Variants in GRIA4 observed in about 807,000 individuals in gnomAD.
GRIA4 encodes the protein glutamate receptor 4.
A neutral mutation model predicts 104.0 loss-of-function variants in GRIA4; 34 were observed. The ratio of observed to expected loss-of-function variants is 0.33; its 90% CI spans 0.25 to 0.44. The LOEUF is 0.44. GRIA4 is among the 20% of genes least tolerant of loss of function. The pLI is 1.00. For synonymous variants in GRIA4, 386 were observed against 381.9 expected, an observed-to-expected ratio of 1.01 and a Z score of -0.13; for missense variants, 750 against 1,096.5, an observed-to-expected ratio of 0.68 and a Z score of 4.46.
intron 3 of GRIA4, among the ~76,000 whole-genome samples, chr11:105,644,614 T>C (rs2135362167): frequency 6.6e-6 from 1 of 151,984 alleles, no homozygotes; most frequent in East Asian, 1.9e-4. Flanking sequence ...AAAAACTAAA[T>C]TAATTAATTA....
intron 3 of GRIA4, among the ~76,000 whole-genome samples, chr11:105,644,706 C>A (rs10895850): frequency 0.13 from 20,035 of 151,988 alleles, 1,564 homozygotes; most frequent in African/African-American, 0.21. Context: ...CTAGGAAATA[C>A]GGTAAGGGCA....
intron 6 of GRIA4, among the ~76,000 whole-genome samples, chr11:105,895,252 C>CGT (rs59472131): frequency 0.029 from 4,366 of 148,502 alleles, 76 homozygotes; most frequent in South Asian, 0.039. Flanking sequence ...CGAGCTCATG[C>CGT]GTGTGTGTGT....
chr11:105,640,852 C>A (rs1028984422), intron 3 of GRIA4, among the ~76,000 whole-genome samples: 4 of 151,960 alleles, frequency 2.6e-5, no homozygotes, highest in South Asian at 4.1e-4. Flanking sequence ...GTTTGGCTCT[C>A]TTTTTAATAT....
rs190991001 is a variant in GRIA4 at position 105,678,899 on chromosome 11, T to C, written c.247+66465T>C. Among the ~76,000 whole-genome samples, 70 of 152,252 alleles carry C rather than the reference T, an allele frequency of 4.6e-4. No homozygotes were observed. In the East Asian group the frequency reaches 9.5e-3, roughly 21 times the overall value. On this transcript the variant is annotated intron_variant, in intron 3 of 16. Coordinates refer to ENST00000282499, the MANE Select transcript of GRIA4 (RefSeq NM_000829.4). Reference sequence around the variant, plus strand: ...GTGGTCATAAGTAAGGGGAGGATTATAGTTAATTTTCCCCCTGGAAAAGGT... The same window carrying C: ...GTGGTCATAAGTAAGGGGAGGATTACAGTTAATTTTCCCCCTGGAAAAGGT...
intron 5 of GRIA4, among the ~76,000 whole-genome samples, chr11:105,871,491 A>G (rs1377473310): frequency 6.7e-6 from 1 of 150,100 alleles, no homozygotes; most frequent in Non-Finnish European, 1.5e-5. Flanking sequence ...TTTTTAAAAT[A>G]ATATTTATAA....
intron 4 of GRIA4, among the ~76,000 whole-genome samples, chr11:105,842,073 G>C (rs1465909212): frequency 6.6e-6 from 1 of 152,110 alleles, no homozygotes; most frequent in Non-Finnish European, 1.5e-5. Context: ...AACATGAAAG[G>C]GGTGAGGGGA....
chr11:105,959,610 C>CT (rs1202955716), intron 14 of GRIA4, among the ~76,000 whole-genome samples: 1 of 152,178 alleles, frequency 6.6e-6, no homozygotes, highest in African/African-American at 2.4e-5. Flanking sequence ...CGTCAGTTCT[C>CT]TATCTGATCT....
At chr11:105,892,930 T>G (rs1946508283) in intron 6 of GRIA4, among the ~76,000 whole-genome samples, 1 of 152,144 alleles carries the variant, frequency 6.6e-6, no homozygotes, top group African/African-American at 2.4e-5. Context: ...CTGAATTAAG[T>G]AGAACTTAAA....
chr11:105,827,563 T>C (rs1236740458), intron 4 of GRIA4, among the ~76,000 whole-genome samples: 1 of 151,988 alleles, frequency 6.6e-6, no homozygotes, highest in Non-Finnish European at 1.5e-5. Context: ...GAAAAGAGAA[T>C]GGTGTGGATA....
At chr11:105,893,341 G>A (rs11820696) in intron 6 of GRIA4, among the ~76,000 whole-genome samples, 4,767 of 152,104 alleles carry the variant, frequency 0.031, 229 homozygotes, top group African/African-American at 0.11. Flanking sequence ...AAATGTTTCT[G>A]AGAAAACTGC....
At chr11:105,650,734 T>C (rs1354015273) in intron 3 of GRIA4, among the ~76,000 whole-genome samples, 1 of 152,132 alleles carries the variant, frequency 6.6e-6, no homozygotes, top group Non-Finnish European at 1.5e-5. Context: ...ATTTTTTTCC[T>C]GAGCATCCCA....
rs1591450975 is a variant in GRIA4 at position 105,924,479 on chromosome 11, T to C, written c.1557T>C (p.Ser519=). 6.8e-6 allele frequency: 11 copies of C among 1,612,618 alleles called. No individual in the cohort carries two copies. In the East Asian group the frequency reaches 2.5e-4, roughly 36 times the overall value. The change falls in exon 12 of 17, where the codon AGT becomes AGC. Residue 519 remains serine (S), a synonymous_variant. Transcript: ENST00000282499. ...TTGACTTTTCTAAGCCCTTCATGAGTTTGGGCATATCTATCATGATCAAAA... is the reference window on the plus strand; with the variant it reads ...TTGACTTTTCTAAGCCCTTCATGAGCTTGGGCATATCTATCATGATCAAAA... The part of the protein sequence containing the change: ...EVIDFSKPFM[S]LGISIMIKKP...
intron 15 of GRIA4, among the ~76,000 whole-genome samples, chr11:105,973,707 A>G (rs1219817526): frequency 1.3e-5 from 2 of 152,260 alleles, no homozygotes; most frequent in East Asian, 1.9e-4. Context: ...AACATTTTCC[A>G]TGAGATTTCC....
intron 4 of GRIA4, among the ~76,000 whole-genome samples, chr11:105,820,623 T>G (rs1206219631): frequency 2.0e-5 from 3 of 151,848 alleles, no homozygotes; most frequent in Non-Finnish European, 4.4e-5. Flanking sequence ...AAGCTTTCCA[T>G]CTATGTTGTC....
At chr11:105,804,002 T>C (rs577869960) in intron 4 of GRIA4, among the ~76,000 whole-genome samples, 1 of 151,846 alleles carries the variant, frequency 6.6e-6, no homozygotes, top group South Asian at 2.1e-4. Flanking sequence ...GAATGAGGAA[T>C]TTGGGCATAG....
At chr11:105,772,837 G>A (rs951674305) in intron 4 of GRIA4, among the ~76,000 whole-genome samples, 1 of 152,028 alleles carries the variant, frequency 6.6e-6, no homozygotes, top group Non-Finnish European at 1.5e-5. Flanking sequence ...TTATGAAAAT[G>A]TGTGGGATGT....
At chr11:105,610,545 C>G (rs1950443169) in intron 1 of GRIA4, 117 bp downstream of exon 1, 1 of 160,746 alleles carries the variant, frequency 6.2e-6, no homozygotes, top group Non-Finnish European at 1.4e-5. Flanking sequence ...TGCAGGCTTG[C>G]TGGGGGATGT....
intron 7 of GRIA4, among the ~76,000 whole-genome samples, chr11:105,903,245 T>C (rs959628144): frequency 3.3e-5 from 5 of 152,222 alleles, no homozygotes; most frequent in Admixed American, 2.0e-4. Context: ...TGCATACACA[T>C]TTGTTGGATA....
chr11:105,806,233 C>T (rs1031828642), intron 4 of GRIA4, among the ~76,000 whole-genome samples: 1 of 151,376 alleles, frequency 6.6e-6, no homozygotes, highest in Non-Finnish European at 1.5e-5. Context: ...TGTTCATATC[C>T]CCACATAATG....
Sources: allele counts gnomAD v4.1 joint callset (sites outside exome capture counted in the v4.1 genomes callset), GRCh38; gene constraint gnomAD v4.1.1; transcripts MANE v1.5; gene names NCBI Gene and HGNC (gene_info 2026-07-23, HGNC 2026-07-21).